MGAT3: variants seen among roughly 807,000 people sequenced by gnomAD.
The protein encoded by MGAT3 is beta-1,4-mannosyl-glycoprotein 4-beta-N-acetylglucosaminyltransferase, also known as GlcNAc-T III.
In MGAT3, 9 loss-of-function variants were observed where a neutral mutation model predicts 29.8. That is an observed-to-expected ratio of 0.30 (90% CI 0.18 to 0.53). The LOEUF is 0.53. MGAT3 is among the 20% of genes least tolerant of loss of function. The probability of loss-of-function intolerance (pLI) is 0.96; values close to 1 mark genes in which losing one functional copy is unlikely to be tolerated. For synonymous variants in MGAT3, 397 were observed against 348.9 expected (o/e 1.14, Z -1.54); for missense variants, 557 against 769.5 (o/e 0.72, Z 3.27).
rs764039218 is a variant in MGAT3 at position 39,488,025 on chromosome 22, C to T, written c.678C>T (p.His226=). ...HEFDLLDVRF[H]ELGDVVDAFV... ...TCGACCTGCTGGACGTGCGCTTCCACGAGCTGGGCGACGTGGTGGACGCCT... is the reference window on the plus strand; with the variant it reads ...TCGACCTGCTGGACGTGCGCTTCCATGAGCTGGGCGACGTGGTGGACGCCT... The change falls in exon 2 of 2, where the codon CAC becomes CAT. Residue 226 remains histidine, a synonymous_variant. Transcript: ENST00000341184. The T allele has an allele frequency of 4.3e-6, 7 of 1,613,234 alleles. No homozygotes were observed. Among genetic ancestry groups the T allele is most frequent in the South Asian group, 2.2e-5 (2 of 91,060 alleles).
At chr22:39,484,010 T>C (rs1378048631) in intron 1 of MGAT3, among the ~76,000 whole-genome samples, 2 of 152,218 alleles carry the variant, frequency 1.3e-5, no homozygotes, top group Non-Finnish European at 2.9e-5. Context: ...ACCAGCCTGC[T>C]CAGGACTCCT....
At chr22:39,479,410 G>C (rs1249538925) in intron 1 of MGAT3, among the ~76,000 whole-genome samples, 1 of 152,108 alleles carries the variant, frequency 6.6e-6, no homozygotes, top group Admixed American at 6.5e-5. Flanking sequence ...TCTGGCAGCG[G>C]GGTGGGGGTG....
chr22:39,482,015 G>T lies in MGAT3; in HGVS notation c.-1-5332G>T, dbSNP rs142314964. 1.6e-4 allele frequency among the ~76,000 whole-genome samples: 24 copies of T among 152,264 alleles called. 1 individual carries two copies. The East Asian group carries it at 4.0e-3, about 26-fold the overall frequency. ...TGCCCAGGCTGGAGTGCAGAATTGC[G>T]ATCTCTCAGCTCACTGCAGCCTTGA... is the stretch of plus-strand genomic sequence containing the variant. On this transcript the variant is annotated intron_variant, in intron 1 of 1. Transcript: ENST00000341184.
intron 1 of MGAT3, among the ~76,000 whole-genome samples, chr22:39,470,854 G>A (rs1033182295): frequency 2.0e-5 from 3 of 152,216 alleles, no homozygotes; most frequent in African/African-American, 7.2e-5. Context: ...GATCACGGAG[G>A]AGGGTTTGGA....
rs1929335148 is a variant in MGAT3 at position 39,488,016 on chromosome 22, G to C, written c.669G>C (p.Val223=). The change falls in exon 2 of 2, where the codon GTG becomes GTC. Residue 223 remains valine (V), a synonymous_variant. Transcript: ENST00000341184. ...NVNHEFDLLD[V]RFHELGDVVD... ...ACCACGAGTTCGACCTGCTGGACGT[G>C]CGCTTCCACGAGCTGGGCGACGTGG... The C allele has an allele frequency of 6.2e-7, 1 of 1,613,194 alleles. No individual in the cohort carries two copies. The highest frequency in any genetic ancestry group is 8.5e-7 in the Non-Finnish European group (1 of 1,179,842).
At chr22:39,471,433 A>G (rs1601721937) in intron 1 of MGAT3, among the ~76,000 whole-genome samples, 1 of 152,230 alleles carries the variant, frequency 6.6e-6, no homozygotes, top group Middle Eastern at 3.4e-3. Flanking sequence ...TCCTTCCTCT[A>G]ACCTGAAGCT....
chr22:39,481,618 A>G (rs886301201), intron 1 of MGAT3, among the ~76,000 whole-genome samples: 5 of 152,186 alleles, frequency 3.3e-5, no homozygotes, highest in African/African-American at 1.2e-4. Flanking sequence ...CCAGGGCTGC[A>G]CCATCCACTG....
rs1929153221 is a variant in MGAT3 at position 39,482,432 on chromosome 22, A to C, written c.-1-4915A>C. On this transcript the variant is annotated intron_variant, in intron 1 of 1. Coordinates refer to ENST00000341184, the MANE Select transcript of MGAT3 (RefSeq NM_002409.5). ...CATGAGGGAGAGAGGCACTGGCTTG[A>C]GAACCAGAACTTACGTTCAAGTCCT... is the stretch of plus-strand genomic sequence containing the variant. Among the ~76,000 whole-genome samples the C allele has an allele frequency of 2.6e-5, 4 of 152,202 alleles. 1 individual carries two copies. The South Asian group carries it at 8.3e-4, about 31-fold the overall frequency.
chr22:39,482,215 G>A (rs111971953), intron 1 of MGAT3, among the ~76,000 whole-genome samples: 8 of 145,950 alleles, frequency 5.5e-5, no homozygotes, highest in African/African-American at 1.3e-4. Context: ...TTGAACTCCC[G>A]GACTCAAGCA....
In MGAT3 at chr22:39,487,546, C is replaced by A. The variant is rs1268596787; in HGVS notation, c.199C>A (p.Pro67Thr). 1 of 1,613,026 alleles carries A rather than the reference C, an allele frequency of 6.2e-7. No individual in the cohort carries two copies. The highest frequency in any genetic ancestry group is 8.5e-7 in the Non-Finnish European group (1 of 1,180,002). ...TPQASPEPGG[P>T]DLLRTPLYSH... ...CCAGGCCAGCCCCGAGCCAGGAGGCCCTGACCTGCTGCGTACCCCACTCTA... is the reference window on the plus strand; with the variant it reads ...CCAGGCCAGCCCCGAGCCAGGAGGCACTGACCTGCTGCGTACCCCACTCTA... The change falls in exon 2 of 2, where the codon CCT becomes ACT. Residue 67 changes from proline to threonine, a missense_variant. By Grantham distance (38) the Pro-to-Thr change is conservative (BLOSUM62 -1). Coordinates refer to ENST00000341184, the MANE Select transcript of MGAT3 (RefSeq NM_002409.5). The surrounding 1 kb of genome is among the most constrained non-coding windows in gnomAD (Gnocchi z 5.7).
chr22:39,478,116 G>A (rs182748870), intron 1 of MGAT3, among the ~76,000 whole-genome samples: 65 of 152,364 alleles, frequency 4.3e-4, no homozygotes, highest in African/African-American at 6.7e-4. Context: ...GGACCAGGCC[G>A]GGTGGAAGGT....
At chr22:39,478,467 A>C (rs566511512) in intron 1 of MGAT3, among the ~76,000 whole-genome samples, 59 of 152,300 alleles carry the variant, frequency 3.9e-4, no homozygotes, top group Middle Eastern at 6.8e-3. Context: ...AAGGGGCCAG[A>C]GGGTGGTGGA....
In MGAT3 at chr22:39,489,166, G is replaced by A. The variant is rs73420206; in HGVS notation, c.*217G>A. ...CTCCTGTTGGGAGAGGGCGCAGGCC[G>A]TGACGTCTGGGTGGCCCTTATGACT... On this transcript the variant is annotated 3_prime_UTR_variant, in exon 2 of 2. Coordinates refer to ENST00000341184, the MANE Select transcript of MGAT3 (RefSeq NM_002409.5). The A allele has an allele frequency of 2.9e-6, 2 of 699,744 alleles. No homozygotes were observed. Among genetic ancestry groups the A allele is most frequent in the Non-Finnish European group, 4.8e-6 (2 of 417,494 alleles). The allele number at this position is 699,744 out of a possible 1,614,324, so 43.3% of individuals were successfully genotyped here.
At chr22:39,484,106 C>A (rs1253443341) in intron 1 of MGAT3, among the ~76,000 whole-genome samples, 1 of 152,196 alleles carries the variant, frequency 6.6e-6, no homozygotes, top group Non-Finnish European at 1.5e-5. Flanking sequence ...TTGGGCAGGT[C>A]CCTGAAGGCC....
chr22:39,460,313 T>C (rs1005307634), intron 1 of MGAT3, among the ~76,000 whole-genome samples: 16 of 152,140 alleles, frequency 1.1e-4, no homozygotes, highest in African/African-American at 2.2e-4. Flanking sequence ...TTAGAATCCA[T>C]TGGGGAGCAG....
At chr22:39,485,647 T>G (rs1044591915) in intron 1 of MGAT3, among the ~76,000 whole-genome samples, 2 of 152,014 alleles carry the variant, frequency 1.3e-5, no homozygotes, top group African/African-American at 4.8e-5. Context: ...AAAAATTAGC[T>G]GGGTGTGGTG....
rs1569006155 is a variant in MGAT3, at chr22:39,487,249, T to C, written c.-1-98T>C. On this transcript the variant is annotated intron_variant, in intron 1 of 1. Coordinates refer to ENST00000341184, the MANE Select transcript of MGAT3 (RefSeq NM_002409.5). The surrounding 1 kb of genome is among the most constrained non-coding windows in gnomAD (Gnocchi z 5.7). ...GGGGCAGCAGGTGCTGGCCACCACA[T>C]TGTCCAGCAAGGTGGCAGCAGAGGC... 7.8e-7 allele frequency: 1 copy of C among 1,284,042 alleles called. No homozygotes were observed. The highest frequency in any genetic ancestry group is 1.1e-6 in the Non-Finnish European group (1 of 930,300). 79.5% of individuals were successfully genotyped at this position (1,284,042 alleles called of 1,614,324 possible).
At position 39,464,902 on chromosome 22, in the gene MGAT3, C is replaced by T. The variant is rs182133331; in HGVS notation, c.-2+7345C>T. On this transcript the variant is annotated intron_variant, in intron 1 of 1. Coordinates refer to ENST00000341184, the MANE Select transcript of MGAT3 (RefSeq NM_002409.5). ...AGTAGCTGGGACTACAGGCGCCTGC[C>T]ACCACACCTGGCTAATTTTTTTTTT... is the stretch of plus-strand genomic sequence containing the variant. Among the ~76,000 whole-genome samples the T allele has an allele frequency of 3.6e-3, 541 of 151,920 alleles. 5 individuals carry two copies. Among genetic ancestry groups the T allele is most frequent in the African/African-American group, 0.012 (502 of 41,416 alleles).
chr22:39,479,665 T>C (rs908678527), intron 1 of MGAT3, among the ~76,000 whole-genome samples: 1 of 152,368 alleles, frequency 6.6e-6, no homozygotes, highest in South Asian at 2.1e-4. Context: ...GCACTTATCA[T>C]TGAGTGCTTA....
Sources: allele counts gnomAD v4.1 joint callset (sites outside exome capture counted in the v4.1 genomes callset), GRCh38; gene constraint gnomAD v4.1.1; non-coding constraint Gnocchi (gnomAD v3.1); transcripts MANE v1.5; gene names NCBI Gene and HGNC (gene_info 2026-07-23, HGNC 2026-07-21).